The following SORCS2 variants were observed in gnomAD, a reference collection of about 807,000 sequenced individuals.
SORCS2 encodes VPS10 domain-containing receptor SorCS2.
Under a neutral mutation model 141.6 loss-of-function variants are expected in SORCS2, and 100 were observed. The ratio of observed to expected loss-of-function variants is 0.71; its 90% CI spans 0.60 to 0.83. SORCS2 has a LOEUF of 0.83. SORCS2 is among the 40% of genes least tolerant of loss of function. The pLI is 0.00. For synonymous variants in SORCS2, 789 were observed against 676.9 expected (o/e 1.17, Z -2.57); for missense variants, 1,646 against 1,560.2 (o/e 1.05, Z -0.93).
At chr4:7,692,479 G>A (rs1724318504) in intron 11 of SORCS2, among the ~76,000 whole-genome samples, 1 of 152,216 alleles carries the variant, frequency 6.6e-6, no homozygotes, top group South Asian at 2.1e-4. Context: ...ATGAGACAGG[G>A]TATGGCAGGA....
intron 3 of SORCS2, among the ~76,000 whole-genome samples, chr4:7,587,583 C>T (rs1716620562): frequency 6.6e-6 from 1 of 152,198 alleles, no homozygotes; most frequent in South Asian, 2.1e-4. Context: ...AGCAGAAAGG[C>T]CCATGGGGTT....
intron 2 of SORCS2, among the ~76,000 whole-genome samples, chr4:7,445,462 A>AT (rs1727926093): frequency 6.6e-6 from 1 of 152,110 alleles, no homozygotes; most frequent in Non-Finnish European, 1.5e-5. Flanking sequence ...AATTTGGGTG[A>AT]TTTTGAATCA....
intron 2 of SORCS2, among the ~76,000 whole-genome samples, chr4:7,470,608 GAC>G (rs1729916776): frequency 6.7e-6 from 1 of 149,612 alleles, no homozygotes. Flanking sequence ...TGCTTGGAGA[GAC>G]ACAGGTGATG....
intron 12 of SORCS2, among the ~76,000 whole-genome samples, chr4:7,698,967 C>T (rs1046475534): frequency 1.3e-5 from 2 of 152,116 alleles, no homozygotes; most frequent in African/African-American, 4.8e-5. Flanking sequence ...TCCGTGGCTT[C>T]CTATCGTGCC....
chr4:7,232,354 G>A (rs1476281430), intron 1 of SORCS2, among the ~76,000 whole-genome samples: 1 of 152,162 alleles, frequency 6.6e-6, no homozygotes, highest in Non-Finnish European at 1.5e-5. Context: ...TTCCCTGTGG[G>A]CTCTGCTCCT....
chr4:7,597,618 G>A (rs981264704), intron 3 of SORCS2, among the ~76,000 whole-genome samples: 2 of 149,802 alleles, frequency 1.3e-5, no homozygotes, highest in Non-Finnish European at 3.0e-5. Flanking sequence ...TGGGGCAGGT[G>A]GTTATTGTTA....
chr4:7,646,963 T>C (rs957614725), intron 4 of SORCS2, among the ~76,000 whole-genome samples: 1 of 152,086 alleles, frequency 6.6e-6, no homozygotes, highest in Admixed American at 6.5e-5. Flanking sequence ...CAGAGGGGGT[T>C]TGGTGGGAAC....
chr4:7,724,310 G>GTGA (rs1726870958), intron 19 of SORCS2, among the ~76,000 whole-genome samples: 1 of 106,684 alleles, frequency 9.4e-6, no homozygotes, highest in Non-Finnish European at 2.0e-5. Flanking sequence ...GACAATGGTG[G>GTGA]TGGTGGTGGT....
intron 1 of SORCS2, among the ~76,000 whole-genome samples, chr4:7,361,846 C>G (rs955129353): frequency 7.2e-6 from 1 of 139,788 alleles, no homozygotes; most frequent in South Asian, 2.2e-4. Context: ...TCCAGGTGCT[C>G]AGAGAAGCTT....
intron 2 of SORCS2, among the ~76,000 whole-genome samples, chr4:7,399,244 AC>A (rs1189019410): frequency 5.4e-5 from 8 of 147,380 alleles, no homozygotes. Context: ...GCTTCCTCCC[AC>A]CCCCACCCTC....
chr4:7,368,874 T>C (rs1305236330), intron 1 of SORCS2, among the ~76,000 whole-genome samples: 2 of 152,176 alleles, frequency 1.3e-5, no homozygotes, highest in African/African-American at 4.8e-5. Context: ...ATTGTTCTCT[T>C]GATAGTGAGA....
intron 12 of SORCS2, among the ~76,000 whole-genome samples, chr4:7,698,076 C>T (rs1000605554): frequency 3.3e-5 from 5 of 152,022 alleles, no homozygotes; most frequent in East Asian, 1.9e-4. Flanking sequence ...CTAGGATCCA[C>T]GCCTGGGCTC....
chr4:7,438,328 C>T (rs1727438956), intron 2 of SORCS2, among the ~76,000 whole-genome samples: 1 of 152,240 alleles, frequency 6.6e-6, no homozygotes, highest in Non-Finnish European at 1.5e-5. Flanking sequence ...AGACCCAGGT[C>T]ATGCATCGTG....
At position 7,420,960 on chromosome 4, in the gene SORCS2, T is replaced by A. The variant is rs546476964; in HGVS notation, c.548+24605T>A. 6.6e-5 allele frequency among the ~76,000 whole-genome samples: 10 copies of A among 152,316 alleles called. No homozygotes were observed. The East Asian group carries it at 1.9e-3, about 29-fold the overall frequency. ...TTGCAGGGGACAGCAGGGTGCCCAGTGCCCCACTCAGCACGTGCGTACCAG... is the reference window on the plus strand; with the variant it reads ...TTGCAGGGGACAGCAGGGTGCCCAGAGCCCCACTCAGCACGTGCGTACCAG... On this transcript the variant is annotated intron_variant, in intron 2 of 26. Transcript: ENST00000507866.
chr4:7,608,402 T>A (rs1201655303), intron 3 of SORCS2, among the ~76,000 whole-genome samples: 1 of 152,224 alleles, frequency 6.6e-6, no homozygotes, highest in Non-Finnish European at 1.5e-5. Context: ...CCTGGCTTAT[T>A]GACACAGAAC....
intron 2 of SORCS2, among the ~76,000 whole-genome samples, chr4:7,419,939 G>C (rs936105422): frequency 2.0e-5 from 3 of 152,248 alleles, no homozygotes; most frequent in African/African-American, 7.2e-5. Flanking sequence ...TTCCTGGGCA[G>C]CTCTTCTCTG....
chr4:7,337,508 G>A (rs566147168), intron 1 of SORCS2, among the ~76,000 whole-genome samples: 1 of 152,120 alleles, frequency 6.6e-6, no homozygotes, highest in Admixed American at 6.5e-5. Context: ...CAGGTGCACC[G>A]GCCCTGAGGG....
chr4:7,398,850 G>T (rs1724387221), intron 2 of SORCS2, among the ~76,000 whole-genome samples: 1 of 151,974 alleles, frequency 6.6e-6, no homozygotes, highest in South Asian at 2.1e-4. Context: ...TTTTCATTTT[G>T]TTCCCTGGAA....
At position 7,740,777 on chromosome 4, in the gene SORCS2, C is replaced by A. The variant is rs187156979; in HGVS notation, c.*513C>A. ...GCCAGGCCCTCCCAACACCACACCACCCTCCAGGCCCCCCTGCCCTCCGGC... is the reference window on the plus strand; with the variant it reads ...GCCAGGCCCTCCCAACACCACACCAACCTCCAGGCCCCCCTGCCCTCCGGC... On this transcript the variant is annotated 3_prime_UTR_variant, in exon 27 of 27. Transcript: ENST00000507866. 1,970 of 344,308 alleles carry A rather than the reference C, an allele frequency of 5.7e-3. 33 individuals are homozygous for A. Among genetic ancestry groups the A allele is most frequent in the African/African-American group, 0.038 (1,838 of 47,762 alleles). The allele number at this position is 344,308 out of a possible 1,614,324, so 21.3% of individuals were successfully genotyped here. A position where few individuals can be genotyped will look rare whatever the true frequency, so the allele number is the denominator to read the frequency against.
Sources: gnomAD v4.1 joint callset for allele counts (sites outside exome capture counted in the v4.1 genomes callset) on GRCh38, gnomAD v4.1.1 for gene constraint, MANE v1.5 for transcripts, NCBI Gene and HGNC (gene_info 2026-07-23, HGNC 2026-07-21) for gene names.